TENM4: variants seen among roughly 807,000 people sequenced by gnomAD.
TENM4 encodes the protein teneurin-4.
Under a neutral mutation model 243.3 loss-of-function variants are expected in TENM4, and 82 were observed. The observed-to-expected ratio is 0.34, with a 90% CI of 0.28 to 0.40. TENM4 has a LOEUF of 0.40. Ranked by LOEUF, TENM4 falls within the 10% of genes least tolerant of loss-of-function variation. The pLI is 1.00. For synonymous variants in TENM4, 1,412 were observed against 1,456.3 expected (o/e 0.97, Z 0.69); for missense variants, 3,138 against 3,673.3 (o/e 0.85, Z 3.77).
At chr11:79,110,881 T>G (rs1183941373) in intron 4 of TENM4, among the ~76,000 whole-genome samples, 4 of 152,188 alleles carry the variant, frequency 2.6e-5, no homozygotes, top group Non-Finnish European at 5.9e-5. Flanking sequence ...TGCAAGATCT[T>G]TGTTCCTCTT....
At chr11:78,941,474 G>A (rs1038420180) in intron 6 of TENM4, among the ~76,000 whole-genome samples, 1 of 152,294 alleles carries the variant, frequency 6.6e-6, no homozygotes, top group African/African-American at 2.4e-5. Flanking sequence ...GGGGGAAGGG[G>A]TGCCCAAGTA....
Position 78,668,999 on chromosome 11 carries a change from A to C in TENM4, c.7346T>G (p.Leu2449Arg). The change falls in exon 32 of 34, where the codon CTC becomes CGC. Residue 2449 changes from leucine (L) to arginine (R), a missense_variant. By Grantham distance (102) the Leu-to-Arg change is moderately radical. This residue lies in a region of TENM4 where 2,467 missense variants were observed against 3,059.1 expected (regional missense o/e 0.81). Coordinates refer to ENST00000278550, the MANE Select transcript of TENM4 (RefSeq NM_001098816.3). Reference sequence around the variant, plus strand: ...GGGGTTGTTGTTTTTGAACATATAGAGATTAAAAGGCATGACGTTGCTGCT... The same window carrying C: ...GGGGTTGTTGTTTTTGAACATATAGCGATTAAAAGGCATGACGTTGCTGCT... Reference protein sequence around the residue: ...LSSSNVMPFNLYMFKNNNPIS... With the variant: ...LSSSNVMPFNRYMFKNNNPIS... 1 of 1,613,884 alleles carries C rather than the reference A, an allele frequency of 6.2e-7. No individual in the cohort carries two copies. The highest frequency in any genetic ancestry group is 8.5e-7 in the Non-Finnish European group (1 of 1,179,886).
At chr11:79,007,853 C>T (rs1858533120) in intron 6 of TENM4, among the ~76,000 whole-genome samples, 1 of 152,206 alleles carries the variant, frequency 6.6e-6, no homozygotes, top group African/African-American at 2.4e-5. Context: ...ACACTCGGCA[C>T]AGGCCCATTT....
At chr11:79,076,463 G>T (rs944220311) in intron 4 of TENM4, 5 of 153,326 alleles carry the variant, frequency 3.3e-5, no homozygotes, top group African/African-American at 1.2e-4. Context: ...GAGAGCTTGT[G>T]CAGGGAAACT....
At chr11:79,259,528 T>C (rs950514927) in intron 2 of TENM4, among the ~76,000 whole-genome samples, 3 of 143,658 alleles carry the variant, frequency 2.1e-5, no homozygotes, top group Admixed American at 6.8e-5. Context: ...CATCCATCCA[T>C]CCACCCACCT....
chr11:78,743,588 C>T (rs1057255864), intron 19 of TENM4, among the ~76,000 whole-genome samples: 1 of 152,132 alleles, frequency 6.6e-6, no homozygotes, highest in Non-Finnish European at 1.5e-5. Flanking sequence ...AAGGGTTGTG[C>T]CCTTTCAAGA....
At chr11:79,015,721 T>C (rs892291356) in intron 6 of TENM4, among the ~76,000 whole-genome samples, 16 of 152,150 alleles carry the variant, frequency 1.1e-4, no homozygotes, top group East Asian at 3.9e-4. Flanking sequence ...GGTACCACAA[T>C]GCATGAAAAA....
At chr11:79,085,394 G>GGT (rs762442109) in intron 4 of TENM4, among the ~76,000 whole-genome samples, 27 of 79,910 alleles carry the variant, frequency 3.4e-4, no homozygotes, top group African/African-American at 7.4e-4. Flanking sequence ...AAAAAGGGGG[G>GGT]TTTTTTTTTT....
At chr11:79,244,892 G>A (rs1472266997) in intron 2 of TENM4, among the ~76,000 whole-genome samples, 1 of 152,156 alleles carries the variant, frequency 6.6e-6, no homozygotes, top group African/African-American at 2.4e-5. Context: ...AGCCCAAAGA[G>A]GCTGTGTGTG....
At chr11:78,850,831 C>T (rs766007249) in intron 12 of TENM4, among the ~76,000 whole-genome samples, 3 of 152,154 alleles carry the variant, frequency 2.0e-5, no homozygotes, top group Non-Finnish European at 4.4e-5. Flanking sequence ...TACTATTGTT[C>T]CATTTTCCAA....
At chr11:78,793,261 G>A (rs148329836) in intron 15 of TENM4, among the ~76,000 whole-genome samples, 79 of 152,200 alleles carry the variant, frequency 5.2e-4, no homozygotes, top group Admixed American at 9.2e-4. Flanking sequence ...ATACAAGTAG[G>A]GGGTAGAAGG....
chr11:78,882,234 G>A (rs1218040192), intron 9 of TENM4, among the ~76,000 whole-genome samples: 1 of 152,196 alleles, frequency 6.6e-6, no homozygotes, highest in Non-Finnish European at 1.5e-5. Flanking sequence ...TGAGCCAGAT[G>A]GAAATGAATG....
At chr11:79,163,855 T>TAC (rs1200844524) in intron 3 of TENM4, among the ~76,000 whole-genome samples, 1 of 145,522 alleles carries the variant, frequency 6.9e-6, no homozygotes, top group Non-Finnish European at 1.5e-5. Context: ...TATACATATA[T>TAC]ACACACATAT....
rs542846313 is a variant in TENM4 at position 78,811,394 on chromosome 11, T to C, written c.1978+728A>G. Among the ~76,000 whole-genome samples, 14 of 152,314 alleles carry C rather than the reference T, an allele frequency of 9.2e-5. No individual in the cohort carries two copies. The East Asian group carries it at 2.7e-3, about 29-fold the overall frequency. ...GTCACTGCCCTTCCCTGGGCCTCAG[T>C]TTCTTAATTTGTGAGATAGAAATAT... On this transcript the variant is annotated intron_variant, in intron 14 of 33. Transcript: ENST00000278550.
At chr11:79,096,175 C>G (rs1351483459) in intron 4 of TENM4, 1 of 152,220 alleles carries the variant, frequency 6.6e-6, no homozygotes, top group Non-Finnish European at 1.5e-5. Flanking sequence ...GGGGTACTGT[C>G]TACTTGCCCC....
chr11:78,709,103 G>T (rs1859337025), intron 26 of TENM4, among the ~76,000 whole-genome samples: 1 of 149,666 alleles, frequency 6.7e-6, no homozygotes, highest in Non-Finnish European at 1.5e-5. Context: ...AGTTAGCTGG[G>T]ACCACAGGCA....
intron 6 of TENM4, among the ~76,000 whole-genome samples, chr11:78,985,531 T>C (rs1316062484): frequency 6.6e-6 from 1 of 152,234 alleles, no homozygotes; most frequent in African/African-American, 2.4e-5. Context: ...TTACTGAGTT[T>C]GAGCATTTTT....
chr11:78,708,606 C>G, intron 26 of TENM4, 91 bp from the exon 27 acceptor site: 1 of 1,444,682 alleles, frequency 6.9e-7, no homozygotes, highest in African/African-American at 1.4e-5. Context: ...CAGAGCACCT[C>G]CTCTACATGA....
chr11:79,002,620 A>C (rs756896169), intron 6 of TENM4, among the ~76,000 whole-genome samples: 2 of 152,212 alleles, frequency 1.3e-5, no homozygotes, highest in African/African-American at 2.4e-5. Flanking sequence ...CCCCAAGCGC[A>C]TCAAACAAGA....
Sources: allele counts gnomAD v4.1 joint callset (sites outside exome capture counted in the v4.1 genomes callset), GRCh38; gene constraint gnomAD v4.1.1; regional missense constraint gnomAD v4.1.1; transcripts MANE v1.5; gene names NCBI Gene and HGNC (gene_info 2026-07-23, HGNC 2026-07-21).